PARD3: variants seen among roughly 807,000 people sequenced by gnomAD.
PARD3 encodes partitioning defective 3 homolog.
In PARD3, 75 loss-of-function variants were observed where a neutral mutation model predicts 155.4. The observed-to-expected ratio is 0.48, with a 90% CI of 0.40 to 0.58. PARD3 has a LOEUF of 0.58. Ranked by LOEUF, PARD3 falls within the 20% of genes least tolerant of loss-of-function variation. The pLI is 0.00. For missense variants in PARD3, 1,642 were observed against 1,721.7 expected (o/e 0.95, Z 0.82); for synonymous variants, 576 against 610.5 (o/e 0.94, Z 0.83).
chr10:34,455,457 GA>G (rs2077282606), intron 4 of PARD3, among the ~76,000 whole-genome samples: 1 of 152,054 alleles, frequency 6.6e-6, no homozygotes, highest in Non-Finnish European at 1.5e-5. Context: ...TATCTAATCT[GA>G]AATTAGGAGA....
At position 34,528,433 on chromosome 10, in the gene PARD3, C is replaced by T. The variant is rs182673644; in HGVS notation, c.223-11274G>A. 1.6e-4 allele frequency among the ~76,000 whole-genome samples: 25 copies of T among 152,330 alleles called. No homozygotes were observed. In the East Asian group the frequency reaches 4.2e-3, roughly 26 times the overall value. The stretch of plus-strand genomic sequence containing the variant: ...ATTCTACCACCACAAGGTTGCTAAT[C>T]ATGAATGAGCTCTCAAGATGAGTCA... On this transcript the variant is annotated intron_variant, in intron 2 of 24. Coordinates refer to ENST00000374788, the MANE Select transcript of PARD3 (RefSeq NM_001184785.2).
intron 22 of PARD3, among the ~76,000 whole-genome samples, chr10:34,188,116 T>C (rs591681): frequency 0.19 from 28,167 of 152,198 alleles, 3,559 homozygotes; most frequent in Non-Finnish European, 0.26. Flanking sequence ...TATTGATTAA[T>C]AATTATTTGC....
chr10:34,145,228 T>TTTTTTTATTTTA (rs1948446299), intron 22 of PARD3, among the ~76,000 whole-genome samples: 2 of 103,178 alleles, frequency 1.9e-5, no homozygotes, highest in African/African-American at 6.6e-5. Flanking sequence ...TATATTTTTT[T>TTTTTTTATTTTA]TTTTTTTTTT....
At chr10:34,454,766 A>C (rs2132853483) in intron 4 of PARD3, among the ~76,000 whole-genome samples, 1 of 152,260 alleles carries the variant, frequency 6.6e-6, no homozygotes, top group Middle Eastern at 3.4e-3. Flanking sequence ...TCCTGCTGTG[A>C]TCAGGGATCT....
chr10:34,318,769 T>G (rs1299641996), intron 19 of PARD3, among the ~76,000 whole-genome samples: 1 of 152,050 alleles, frequency 6.6e-6, no homozygotes, highest in Non-Finnish European at 1.5e-5. Context: ...ATTTTTTTAT[T>G]TTTTTTATTT....
intron 22 of PARD3, among the ~76,000 whole-genome samples, chr10:34,246,402 A>C (rs2133699520): frequency 6.6e-6 from 1 of 152,314 alleles, no homozygotes; most frequent in East Asian, 1.9e-4. Flanking sequence ...AAGGAAAAAA[A>C]GAAGGGGTGC....
At chr10:34,702,974 G>C (rs925280818) in intron 1 of PARD3, among the ~76,000 whole-genome samples, 3 of 152,198 alleles carry the variant, frequency 2.0e-5, no homozygotes, top group Admixed American at 6.5e-5. Context: ...GGTATCCTGA[G>C]AGAGGTCAGA....
At chr10:34,519,199 T>C (rs1015579685) in intron 2 of PARD3, among the ~76,000 whole-genome samples, 1 of 151,416 alleles carries the variant, frequency 6.6e-6, no homozygotes, top group Non-Finnish European at 1.5e-5. Context: ...CTACATGGAG[T>C]GGGAGGATAG....
chr10:34,261,839 A>C lies in PARD3; in HGVS notation c.3419+7818T>G, dbSNP rs529330365. ...AAAGAAAGAAAGAAACAAACAAACA[A>C]ACAAACACACACACACTGGACAGAA... On this transcript the variant is annotated intron_variant, in intron 22 of 24. Transcript: ENST00000374788. Among the ~76,000 whole-genome samples the C allele has an allele frequency of 6.4e-4, 95 of 147,470 alleles. 1 individual carries two copies. The highest frequency in any genetic ancestry group is 2.1e-3 in the African/African-American group (86 of 40,692).
chr10:34,563,163 T>G (rs1487942941), intron 2 of PARD3, among the ~76,000 whole-genome samples: 2 of 152,204 alleles, frequency 1.3e-5, no homozygotes, highest in Non-Finnish European at 2.9e-5. Context: ...TCATTCATTC[T>G]TCTACATACA....
chr10:34,387,485 G>C (rs1422900482), intron 7 of PARD3, among the ~76,000 whole-genome samples: 1 of 152,006 alleles, frequency 6.6e-6, no homozygotes, highest in Non-Finnish European at 1.5e-5. Context: ...CTCAATCACA[G>C]CTCCCTGCAA....
chr10:34,444,033 T>C (rs1422824604), intron 5 of PARD3, among the ~76,000 whole-genome samples: 1 of 151,966 alleles, frequency 6.6e-6, no homozygotes, highest in African/African-American at 2.4e-5. Context: ...GTTTGTATAA[T>C]CTCCAATTAA....
intron 14 of PARD3, among the ~76,000 whole-genome samples, chr10:34,355,074 A>C (rs995462728): frequency 2.0e-5 from 3 of 151,988 alleles, no homozygotes; most frequent in African/African-American, 7.2e-5. Context: ...AGTGGCTCAC[A>C]GGCGTAATTC....
At chr10:34,441,751 T>C (rs1281726257) in intron 5 of PARD3, among the ~76,000 whole-genome samples, 2 of 152,192 alleles carry the variant, frequency 1.3e-5, no homozygotes, top group African/African-American at 2.4e-5. Context: ...TGGAAAATAA[T>C]GTGTCCCATA....
At chr10:34,516,153 T>C (rs556373264) in intron 3 of PARD3, among the ~76,000 whole-genome samples, 5 of 152,090 alleles carry the variant, frequency 3.3e-5, no homozygotes, top group East Asian at 1.9e-4. Context: ...TTAGTAGAGA[T>C]GGGGTTTCAC....
intron 1 of PARD3, among the ~76,000 whole-genome samples, chr10:34,746,180 G>A (rs969719527): frequency 6.6e-6 from 1 of 151,946 alleles, no homozygotes; most frequent in Non-Finnish European, 1.5e-5. Flanking sequence ...TAATTTCTTG[G>A]CTGGGCACGG....
intron 19 of PARD3, among the ~76,000 whole-genome samples, chr10:34,327,685 G>A (rs542694394): frequency 6.6e-5 from 10 of 152,270 alleles, no homozygotes; most frequent in South Asian, 2.1e-4. Flanking sequence ...CTCTAGCCAC[G>A]CATTTCCAGG....
At chr10:34,233,235 C>A (rs1004626655) in intron 22 of PARD3, among the ~76,000 whole-genome samples, 1 of 151,968 alleles carries the variant, frequency 6.6e-6, no homozygotes, top group Non-Finnish European at 1.5e-5. Context: ...TCTCTTAGGT[C>A]CGCTAGAAAC....
At chr10:34,263,345 TTA>T (rs1358074341) in intron 22 of PARD3, among the ~76,000 whole-genome samples, 3 of 152,074 alleles carry the variant, frequency 2.0e-5, no homozygotes, top group Non-Finnish European at 2.9e-5. Flanking sequence ...AGCAGAGACT[TTA>T]CACAGCTGAT....
Sources: allele counts gnomAD v4.1 joint callset (sites outside exome capture counted in the v4.1 genomes callset), GRCh38; gene constraint gnomAD v4.1.1; transcripts MANE v1.5; gene names NCBI Gene and HGNC (gene_info 2026-07-23, HGNC 2026-07-21).